The following TLE1 variants were observed in gnomAD, a reference collection of about 807,000 sequenced individuals.
The protein encoded by TLE1 is TLE family member 1, transcriptional corepressor, also known as transducin-like enhancer protein 1.
In TLE1, 21 loss-of-function variants were observed where a neutral mutation model predicts 89.8. That is an observed-to-expected ratio of 0.23 (90% CI 0.17 to 0.34). TLE1 has a LOEUF of 0.34. Among genes scored for constraint, TLE1 ranks in the 10% least tolerant of loss-of-function variants. TLE1 has a pLI of 1.00. For missense variants in TLE1, 795 were observed against 1,031.2 expected (o/e 0.77, Z 3.14); for synonymous variants, 447 against 407.6 (o/e 1.10, Z -1.16).
intron 8 of TLE1, among the ~76,000 whole-genome samples, chr9:81,632,553 G>A (rs1412157095): frequency 6.8e-6 from 1 of 146,136 alleles, no homozygotes; most frequent in Non-Finnish European, 1.5e-5. Flanking sequence ...GGCAAAACCT[G>A]TAGGTTATCC....
intron 4 of TLE1, among the ~76,000 whole-genome samples, chr9:81,671,746 T>C (rs990247787): frequency 2.0e-5 from 3 of 152,198 alleles, no homozygotes; most frequent in Admixed American, 2.0e-4. Flanking sequence ...TTCATAAATA[T>C]CATAGCATCT....
intron 5 of TLE1, among the ~76,000 whole-genome samples, 171 bp downstream of exon 5, chr9:81,653,801 TAC>T (rs144566392): frequency 0.031 from 4,712 of 152,332 alleles, 93 homozygotes; most frequent in Non-Finnish European, 0.044. Flanking sequence ...TCACCATTTC[TAC>T]AGTGTGCCCT....
intron 8 of TLE1, among the ~76,000 whole-genome samples, chr9:81,625,050 G>T (rs184458192): frequency 1.3e-5 from 2 of 152,126 alleles, no homozygotes; most frequent in African/African-American, 2.4e-5. Context: ...CTCAGTATCA[G>T]AAACATAAAG....
intron 16 of TLE1, among the ~76,000 whole-genome samples, chr9:81,588,198 C>T (rs1017750536): frequency 9.9e-5 from 15 of 152,066 alleles, no homozygotes; most frequent in African/African-American, 1.9e-4. Context: ...CACAAAATCC[C>T]GATTGTATTC....
chr9:81,610,058 C>T (rs1321811096), intron 14 of TLE1, among the ~76,000 whole-genome samples, 162 bp downstream of exon 14: 1 of 152,236 alleles, frequency 6.6e-6, no homozygotes, highest in Non-Finnish European at 1.5e-5. Flanking sequence ...ATGACACCTA[C>T]AAGCTGCCTA....
intron 12 of TLE1, among the ~76,000 whole-genome samples, chr9:81,613,031 CT>C (rs1372291556): frequency 6.6e-6 from 1 of 152,208 alleles, no homozygotes; most frequent in Non-Finnish European, 1.5e-5. Context: ...GCATTCCAGC[CT>C]GGGGGGGACA....
At chr9:81,645,552 C>T (rs1027699411) in intron 6 of TLE1, among the ~76,000 whole-genome samples, 44 of 151,958 alleles carry the variant, frequency 2.9e-4, no homozygotes, top group African/African-American at 9.7e-4. Context: ...ATCAGCCTGG[C>T]CAACATGGAG....
intron 4 of TLE1, among the ~76,000 whole-genome samples, chr9:81,659,147 A>T (rs1830478347): frequency 6.6e-6 from 1 of 152,050 alleles, no homozygotes; most frequent in Admixed American, 6.6e-5. Flanking sequence ...GATCCTCGTG[A>T]TCCGCCCACC....
chr9:81,687,979 A>G (rs1474430410), intron 1 of TLE1, among the ~76,000 whole-genome samples: 1 of 152,084 alleles, frequency 6.6e-6, no homozygotes, highest in African/African-American at 2.4e-5. Flanking sequence ...AGCCTTCCCC[A>G]GCGCCCCTGT....
chr9:81,637,586 G>A (rs894248161), intron 6 of TLE1, among the ~76,000 whole-genome samples: 2 of 150,532 alleles, frequency 1.3e-5, no homozygotes, highest in African/African-American at 4.9e-5. Flanking sequence ...ACAGCTCACT[G>A]TCTGTTATTA....
intron 18 of TLE1, among the ~76,000 whole-genome samples, chr9:81,584,965 C>CCCACCCAT (rs1828152901): frequency 6.7e-6 from 1 of 149,378 alleles, no homozygotes. Flanking sequence ...CACTCATCCA[C>CCCACCCAT]CCATCCATCC....
At chr9:81,679,121 C>G (rs899899303) in intron 4 of TLE1, among the ~76,000 whole-genome samples, 2 of 152,104 alleles carry the variant, frequency 1.3e-5, no homozygotes, top group Non-Finnish European at 2.9e-5. Flanking sequence ...ATACTCCAGT[C>G]TGGGTAACAG....
chr9:81,602,206 T>C (rs1002435395), intron 14 of TLE1, among the ~76,000 whole-genome samples: 2 of 152,114 alleles, frequency 1.3e-5, no homozygotes, highest in Admixed American at 1.3e-4. Flanking sequence ...GAACAGAGGC[T>C]CATCCCATTG....
intron 15 of TLE1, among the ~76,000 whole-genome samples, chr9:81,592,436 G>T (rs1829679105): frequency 6.6e-6 from 1 of 152,146 alleles, no homozygotes; most frequent in Admixed American, 6.5e-5. Context: ...GTATTCTCAG[G>T]CTCTGAGCGG....
intron 14 of TLE1, among the ~76,000 whole-genome samples, chr9:81,595,521 A>C (rs1830060189): frequency 6.6e-6 from 1 of 152,214 alleles, no homozygotes; most frequent in Non-Finnish European, 1.5e-5. Context: ...AAATTTCCAT[A>C]AAATTAAACA....
At chr9:81,622,946 G>C (rs975130385) in intron 8 of TLE1, among the ~76,000 whole-genome samples, 1 of 152,118 alleles carries the variant, frequency 6.6e-6, no homozygotes, top group Non-Finnish European at 1.5e-5. Flanking sequence ...ACCAAAAACA[G>C]ACCGCTTCCT....
intron 15 of TLE1, among the ~76,000 whole-genome samples, chr9:81,592,589 A>T (rs1016871372): frequency 6.6e-6 from 1 of 152,108 alleles, no homozygotes; most frequent in Non-Finnish European, 1.5e-5. Flanking sequence ...CTCCCTTAAA[A>T]ACACAGACCC....
intron 4 of TLE1, among the ~76,000 whole-genome samples, chr9:81,667,564 C>T (rs1218854470): frequency 2.6e-5 from 4 of 152,078 alleles, no homozygotes; most frequent in African/African-American, 9.7e-5. Context: ...TGAGCAACTT[C>T]TTAGGGAAAA....
chr9:81,626,817 G>C (rs1239207075), intron 8 of TLE1, among the ~76,000 whole-genome samples: 1 of 152,140 alleles, frequency 6.6e-6, no homozygotes, highest in East Asian at 1.9e-4. Context: ...CTCATTTGTA[G>C]CTGGCCCTTC....
Sources: allele counts gnomAD v4.1 joint callset (sites outside exome capture counted in the v4.1 genomes callset), GRCh38; gene constraint gnomAD v4.1.1; transcripts MANE v1.5; gene names NCBI Gene and HGNC (gene_info 2026-07-23, HGNC 2026-07-21).